The following SENP7 variants were observed in gnomAD, a reference collection of about 807,000 sequenced individuals.
SENP7 encodes the protein sentrin-specific protease 7.
A neutral mutation model predicts 141.2 loss-of-function variants in SENP7; 64 were observed. The ratio of observed to expected loss-of-function variants is 0.45; its 90% CI spans 0.37 to 0.56. The LOEUF is 0.56. Among genes scored for constraint, SENP7 ranks in the 20% least tolerant of loss-of-function variants. The pLI is 0.00. For missense variants in SENP7, 1,025 were observed against 1,212.2 expected (o/e 0.85, Z 2.29); for synonymous variants, 382 against 426.4 (o/e 0.90, Z 1.28).
intron 4 of SENP7, among the ~76,000 whole-genome samples, chr3:101,441,041 G>C (rs2062649809): frequency 6.6e-6 from 1 of 152,026 alleles, no homozygotes; most frequent in Non-Finnish European, 1.5e-5. Context: ...ACCACCATCA[G>C]CACCCACACC....
intron 3 of SENP7, among the ~76,000 whole-genome samples, chr3:101,474,191 T>A (rs960310966): frequency 1.2e-4 from 18 of 152,206 alleles, no homozygotes; most frequent in Admixed American, 9.8e-4. Flanking sequence ...TTTGGTTCCA[T>A]ATGAATTTTA....
At chr3:101,435,369 C>T (rs1410947186) in intron 4 of SENP7, among the ~76,000 whole-genome samples, 1 of 152,074 alleles carries the variant, frequency 6.6e-6, no homozygotes, top group East Asian at 1.9e-4. Context: ...CCCTTAAGAT[C>T]TAGAACACAA....
intron 6 of SENP7, among the ~76,000 whole-genome samples, chr3:101,378,310 T>C (rs1272490225): frequency 6.6e-6 from 1 of 151,988 alleles, no homozygotes; most frequent in African/African-American, 2.4e-5. Context: ...ACAGATAAAG[T>C]ATACAGCATA....
intron 6 of SENP7, among the ~76,000 whole-genome samples, chr3:101,382,554 A>C (rs1182788175): frequency 6.6e-5 from 10 of 152,234 alleles, no homozygotes; most frequent in Admixed American, 4.6e-4. Flanking sequence ...AGCAGTTATA[A>C]AGTATTTCTA....
At chr3:101,371,015 C>A (rs571005313) in intron 7 of SENP7, among the ~76,000 whole-genome samples, 4 of 152,260 alleles carry the variant, frequency 2.6e-5, no homozygotes, top group African/African-American at 9.6e-5. Flanking sequence ...AGTGGCCAAG[C>A]GCGGTGGCTC....
intron 4 of SENP7, among the ~76,000 whole-genome samples, chr3:101,427,509 A>T (rs1011528742): frequency 5.3e-5 from 8 of 150,428 alleles, no homozygotes; most frequent in African/African-American, 1.7e-4. Flanking sequence ...AAAAAAAAAA[A>T]TTTGATTTAT....
At chr3:101,336,816 CCA>C (rs2059197839) in intron 17 of SENP7, among the ~76,000 whole-genome samples, 1 of 152,158 alleles carries the variant, frequency 6.6e-6, no homozygotes, top group Non-Finnish European at 1.5e-5. Flanking sequence ...AGCCACTGCT[CCA>C]CAGTTTTAGT....
At chr3:101,445,235 A>T (rs1265289752) in intron 4 of SENP7, among the ~76,000 whole-genome samples, 2 of 152,240 alleles carry the variant, frequency 1.3e-5, no homozygotes, top group African/African-American at 4.8e-5. Context: ...TATTCAGCAA[A>T]ACTATACTTC....
At chr3:101,474,781 C>A (rs555009766) in intron 3 of SENP7, among the ~76,000 whole-genome samples, 1 of 152,194 alleles carries the variant, frequency 6.6e-6, no homozygotes, top group Non-Finnish European at 1.5e-5. Flanking sequence ...ATACTTCCAG[C>A]TTTTGCCCAT....
chr3:101,445,444 C>G (rs1164638590), intron 4 of SENP7, among the ~76,000 whole-genome samples: 1 of 151,698 alleles, frequency 6.6e-6, no homozygotes, highest in East Asian at 1.9e-4. Context: ...GTCATTATCA[C>G]TATAGAAAGC....
At chr3:101,416,838 C>T (rs2061638144) in intron 5 of SENP7, among the ~76,000 whole-genome samples, 1 of 152,144 alleles carries the variant, frequency 6.6e-6, no homozygotes, top group Non-Finnish European at 1.5e-5. Context: ...ATTCAGATTA[C>T]AGACCATATA....
chr3:101,381,237 C>T (rs567276866), intron 6 of SENP7, among the ~76,000 whole-genome samples: 2 of 152,230 alleles, frequency 1.3e-5, no homozygotes, highest in South Asian at 4.1e-4. Flanking sequence ...AACTTAAATG[C>T]ATCTCATATA....
At chr3:101,459,329 T>C (rs566571208) in intron 3 of SENP7, among the ~76,000 whole-genome samples, 1 of 152,256 alleles carries the variant, frequency 6.6e-6, no homozygotes, top group African/African-American at 2.4e-5. Flanking sequence ...TATTAAAATC[T>C]GGAATGTACT....
At chr3:101,433,004 C>T (rs571509793) in intron 4 of SENP7, among the ~76,000 whole-genome samples, 4 of 152,230 alleles carry the variant, frequency 2.6e-5, no homozygotes, top group Middle Eastern at 3.4e-3. Context: ...TCTTATCCTA[C>T]GTAGAAAGAC....
At chr3:101,338,240 G>A (rs1173344910) in intron 16 of SENP7, among the ~76,000 whole-genome samples, 1 of 151,992 alleles carries the variant, frequency 6.6e-6, no homozygotes, top group African/African-American at 2.4e-5. Context: ...AAACAAGAGG[G>A]GAAAAATAAA....
intron 6 of SENP7, among the ~76,000 whole-genome samples, chr3:101,385,624 A>G (rs1002714608): frequency 1.3e-5 from 2 of 152,180 alleles, no homozygotes; most frequent in Non-Finnish European, 2.9e-5. Context: ...ACTACCATCC[A>G]GAGCTCAAAT....
chr3:101,438,828 C>G (rs917424007), intron 4 of SENP7, among the ~76,000 whole-genome samples: 6 of 152,166 alleles, frequency 3.9e-5, no homozygotes, highest in Non-Finnish European at 7.4e-5. Context: ...GCCGCCGCGC[C>G]GGCGAGCGCC....
intron 4 of SENP7, among the ~76,000 whole-genome samples, chr3:101,453,731 G>T (rs938593740): frequency 6.6e-6 from 1 of 152,094 alleles, no homozygotes; most frequent in African/African-American, 2.4e-5. Context: ...TGGGGGCAGG[G>T]GGGAGGAATA....
chr3:101,427,459 C>T (rs1451132728), intron 4 of SENP7, among the ~76,000 whole-genome samples: 1 of 136,498 alleles, frequency 7.3e-6, no homozygotes, highest in Non-Finnish European at 1.5e-5. Flanking sequence ...CACTGAACTC[C>T]AGGTTGGGTG....
Sources: gnomAD v4.1 joint callset for allele counts (sites outside exome capture counted in the v4.1 genomes callset) on GRCh38, gnomAD v4.1.1 for gene constraint, MANE v1.5 for transcripts, NCBI Gene and HGNC (gene_info 2026-07-23, HGNC 2026-07-21) for gene names.